Variants in RGS6 observed in about 807,000 individuals in gnomAD.
RGS6 encodes regulator of G-protein signaling 6.
RGS6 carries 30 observed loss-of-function variants against 78.5 expected under a neutral mutation model. The observed-to-expected ratio is 0.38, with a 90% CI of 0.29 to 0.52. The LOEUF (loss-of-function observed/expected upper bound fraction) is 0.52, where lower values mean the gene tolerates loss of function less well. Among genes scored for constraint, RGS6 ranks in the 20% least tolerant of loss-of-function variants. The pLI is 0.85. For synonymous variants in RGS6, 206 were observed against 206.0 expected, an observed-to-expected ratio of 1.00 and a Z score of 0.00; for missense variants, 495 against 609.7, an observed-to-expected ratio of 0.81 and a Z score of 1.98.
chr14:72,612,043 G>A, the RGS6 span, among the ~76,000 whole-genome samples: 12 of 152,228 alleles, frequency 7.9e-5, no homozygotes, highest in African/African-American at 2.6e-4. Context: ...GCACACAGTC[G>A]ATGCCCTGCC....
chr14:72,608,018 C>CTG, the RGS6 span, among the ~76,000 whole-genome samples: 1 of 152,206 alleles, frequency 6.6e-6, no homozygotes, highest in East Asian at 1.9e-4. Flanking sequence ...CCATGCCCAC[C>CTG]TGTGTCTTAC....
chr14:72,361,791 G>A (rs190873016), intron 3 of RGS6, among the ~76,000 whole-genome samples: 6 of 152,198 alleles, frequency 3.9e-5, no homozygotes, highest in Non-Finnish European at 8.8e-5. Context: ...AGGTACAGGT[G>A]GTTTAATCAG....
intron 2 of RGS6, among the ~76,000 whole-genome samples, chr14:72,199,167 T>C (rs923112465): frequency 6.6e-6 from 1 of 152,172 alleles, no homozygotes. Context: ...GAAGGCCCAG[T>C]GATGGAATGG....
chr14:72,020,598 C>T (rs1190972370), intron 2 of RGS6, among the ~76,000 whole-genome samples: 3 of 152,184 alleles, frequency 2.0e-5, no homozygotes, highest in African/African-American at 7.2e-5. Flanking sequence ...GACTATTCTC[C>T]AAGGTCTTTA....
intron 17 of RGS6, chr14:72,541,453 T>C: frequency 1.3e-6 from 2 of 1,534,862 alleles, no homozygotes; most frequent in Non-Finnish European, 1.7e-6. Flanking sequence ...CTGTGGCCTT[T>C]CCTCATGAGA....
intron 2 of RGS6, among the ~76,000 whole-genome samples, chr14:72,070,289 G>A (rs528681835): frequency 6.6e-6 from 1 of 152,160 alleles, no homozygotes; most frequent in African/African-American, 2.4e-5. Flanking sequence ...CTCCTAGAAA[G>A]TATTTAAGGT....
chr14:72,555,557 C>T lies in RGS6; in HGVS notation c.1423-6860C>T, dbSNP rs147751762. Among the ~76,000 whole-genome samples the T allele has an allele frequency of 8.5e-3, 1,301 of 152,328 alleles. 19 individuals carry two copies. Among genetic ancestry groups the T allele is most frequent in the African/African-American group, 0.03 (1,255 of 41,574 alleles). ...GAGAGGTTGCCCAGTACGGGTTGGG[C>T]ACAGGGGACTCCTTCATCCCTGAGT... On this transcript the variant is annotated intron_variant, in intron 17 of 17. Transcript: ENST00000553525.
At chr14:72,414,617 C>T (rs994918174) in intron 3 of RGS6, among the ~76,000 whole-genome samples, 9 of 152,196 alleles carry the variant, frequency 5.9e-5, no homozygotes, top group Admixed American at 2.0e-4. Context: ...AGCTGCATTC[C>T]TTTGGAGGAG....
Position 71,934,761 on chromosome 14 carries a change from A to G in RGS6, c.-21+1820A>G, listed in dbSNP as rs77789208. Among the ~76,000 whole-genome samples, 1,027 of 152,346 alleles carry G rather than the reference A, an allele frequency of 6.7e-3. 9 individuals are homozygous for G. Among genetic ancestry groups the G allele is most frequent in the African/African-American group, 0.023 (974 of 41,582 alleles). ...TAATTTTGGATGTCTCTTTGTCTAC[A>G]GGGACATAATTTTGTGTGAAAGTAG... On this transcript the variant is annotated intron_variant, in intron 1 of 17. Transcript: ENST00000553525.
intron 2 of RGS6, among the ~76,000 whole-genome samples, chr14:72,048,910 TCA>T (rs1162991595): frequency 4.6e-5 from 7 of 152,194 alleles, no homozygotes; most frequent in Non-Finnish European, 1.0e-4. Flanking sequence ...CCCATTCATC[TCA>T]CAAGTTCTGT....
chr14:71,998,356 G>A (rs2082773270), intron 2 of RGS6, among the ~76,000 whole-genome samples: 2 of 152,170 alleles, frequency 1.3e-5, no homozygotes, highest in African/African-American at 4.8e-5. Context: ...TTCACTTAGT[G>A]ACTTTGGGGG....
chr14:72,321,630 A>G (rs546449079), intron 2 of RGS6, among the ~76,000 whole-genome samples: 4 of 152,164 alleles, frequency 2.6e-5, no homozygotes, highest in South Asian at 4.1e-4. Flanking sequence ...GTGTGATAAG[A>G]TGTATCATTC....
intron 3 of RGS6, among the ~76,000 whole-genome samples, chr14:72,432,377 AGGGAGGGAGACAGCCTCTGCCTTG>A (rs2094686416): frequency 6.6e-6 from 1 of 152,202 alleles, no homozygotes; most frequent in East Asian, 1.9e-4. Flanking sequence ...TCATTTAAGG[AGGGAGGGAGACAGCCTCTGCCTTG>A]GTGTCTCACC....
intron 2 of RGS6, among the ~76,000 whole-genome samples, chr14:72,069,908 TTG>T (rs1358320575): frequency 1.3e-5 from 2 of 152,194 alleles, no homozygotes; most frequent in African/African-American, 4.8e-5. Context: ...GCCACATTAG[TTG>T]CTTACTACGT....
chr14:72,501,657 G>A (rs1353525303), intron 13 of RGS6, among the ~76,000 whole-genome samples: 1 of 152,154 alleles, frequency 6.6e-6, no homozygotes, highest in Non-Finnish European at 1.5e-5. Flanking sequence ...AGTGTCCCAG[G>A]GATACGTATG....
chr14:72,581,298 C>T, the RGS6 span, among the ~76,000 whole-genome samples: 1 of 152,116 alleles, frequency 6.6e-6, no homozygotes, highest in African/African-American at 2.4e-5. Flanking sequence ...TCCATACCTC[C>T]AGGGCTCATT....
At chr14:72,193,885 C>T (rs1266522188) in intron 2 of RGS6, among the ~76,000 whole-genome samples, 1 of 152,128 alleles carries the variant, frequency 6.6e-6, no homozygotes, top group Non-Finnish European at 1.5e-5. Flanking sequence ...ACCAGGGATG[C>T]ATGCAAAGGC....
the RGS6 span, among the ~76,000 whole-genome samples, chr14:72,599,415 T>G: frequency 6.0e-4 from 75 of 125,818 alleles, 2 homozygotes; most frequent in African/African-American, 2.1e-3. Context: ...TTTTTTTTTT[T>G]TTTTTTTTTT....
At chr14:72,165,487 T>C (rs1202318720) in intron 2 of RGS6, among the ~76,000 whole-genome samples, 2 of 152,230 alleles carry the variant, frequency 1.3e-5, no homozygotes, top group African/African-American at 4.8e-5. Flanking sequence ...ATCTTTCTCC[T>C]AGCTCACAAT....
Sources: allele counts gnomAD v4.1 joint callset (sites outside exome capture counted in the v4.1 genomes callset), GRCh38; gene constraint gnomAD v4.1.1; transcripts MANE v1.5; gene names NCBI Gene and HGNC (gene_info 2026-07-23, HGNC 2026-07-21).